Variants in EVI5 observed in about 807,000 individuals in gnomAD.
EVI5 encodes ecotropic viral integration site 5.
A neutral mutation model predicts 112.0 loss-of-function variants in EVI5; 73 were observed. That is an observed-to-expected ratio of 0.65 (90% confidence interval 0.54 to 0.79). The LOEUF (loss-of-function observed/expected upper bound fraction) is 0.79. EVI5 is among the 30% of genes least tolerant of loss of function. The probability of loss-of-function intolerance (pLI) is 0.00; values close to 1 mark genes in which losing one functional copy is unlikely to be tolerated. For synonymous variants in EVI5, 305 were observed against 319.9 expected (o/e 0.95, Z 0.50); for missense variants, 900 against 968.8 (o/e 0.93, Z 0.94).
intron 2 of EVI5, among the ~76,000 whole-genome samples, chr1:92,725,515 G>A (rs138407790): frequency 6.6e-6 from 1 of 152,136 alleles, no homozygotes; most frequent in African/African-American, 2.4e-5. Flanking sequence ...AAAATTATCA[G>A]GCTTTGAGAC....
In EVI5 at chr1:92,655,185, T is replaced by C. The variant is rs114918687; in HGVS notation, c.1392+7534A>G. Among the ~76,000 whole-genome samples, 478 of 150,404 alleles carry C rather than the reference T, an allele frequency of 3.2e-3. 4 individuals carry two copies. The highest frequency in any genetic ancestry group is 0.011 in the African/African-American group (464 of 40,944). ...CCAACACATATACTCATCAGACTAA[T>C]GACAACATGAAGGAAAAAAAAAAAT... On this transcript the variant is annotated intron_variant, in intron 13 of 19. Transcript: ENST00000684568.
At chr1:92,547,368 T>C (rs565864277) in intron 19 of EVI5, among the ~76,000 whole-genome samples, 1 of 152,250 alleles carries the variant, frequency 6.6e-6, no homozygotes. Context: ...GGGAAATTTA[T>C]GGCACTAAAT....
At chr1:92,747,045 T>C (rs1679363247) in intron 1 of EVI5, among the ~76,000 whole-genome samples, 1 of 152,294 alleles carries the variant, frequency 6.6e-6, no homozygotes, top group East Asian at 1.9e-4. Context: ...TTCCCAAAGA[T>C]GGCCTATATA....
chr1:92,536,641 A>G (rs1046906360), intron 19 of EVI5, among the ~76,000 whole-genome samples: 2 of 152,334 alleles, frequency 1.3e-5, no homozygotes, highest in South Asian at 2.1e-4. Context: ...AGTAGATATT[A>G]AGACAGAAAT....
At chr1:92,738,931 C>CA in intron 1 of EVI5, among the ~76,000 whole-genome samples, 1 of 152,102 alleles carries the variant, frequency 6.6e-6, no homozygotes, top group Middle Eastern at 3.4e-3. Flanking sequence ...AAATATGTCA[C>CA]AAAGTTCCTG....
At chr1:92,613,075 GC>G in intron 16 of EVI5, among the ~76,000 whole-genome samples, 2 of 152,286 alleles carry the variant, frequency 1.3e-5, no homozygotes, top group Middle Eastern at 6.8e-3. Flanking sequence ...GCTAAACCTT[GC>G]CTGTCTCCTC....
At chr1:92,698,073 C>T (rs1670590179) in intron 5 of EVI5, 88 bp from the exon 6 acceptor site, 27 of 1,263,156 alleles carry the variant, frequency 2.1e-5, no homozygotes, top group Non-Finnish European at 3.0e-5. Flanking sequence ...ACACAGCCAA[C>T]CACAAACATT....
chr1:92,731,729 A>C (rs1473850554), intron 2 of EVI5, among the ~76,000 whole-genome samples: 1 of 152,262 alleles, frequency 6.6e-6, no homozygotes, highest in Admixed American at 6.5e-5. Context: ...TAGAGCCCAG[A>C]AATAGACTCA....
chr1:92,590,099 C>T (rs1448345024), intron 18 of EVI5, among the ~76,000 whole-genome samples: 1 of 152,176 alleles, frequency 6.6e-6, no homozygotes, highest in Non-Finnish European at 1.5e-5. Flanking sequence ...GACATCCACA[C>T]CAAAACCCCA....
chr1:92,605,714 G>A (rs1650233466), intron 17 of EVI5, among the ~76,000 whole-genome samples: 1 of 152,116 alleles, frequency 6.6e-6, no homozygotes, highest in Admixed American at 6.6e-5. Context: ...TGAAACTGGG[G>A]TTCACAGGCT....
At chr1:92,779,515 C>T (rs1684590770) in intron 1 of EVI5, among the ~76,000 whole-genome samples, 1 of 146,442 alleles carries the variant, frequency 6.8e-6, no homozygotes, top group South Asian at 2.1e-4. Context: ...GAGACTCCGT[C>T]TCAAAAAAAA....
intron 13 of EVI5, among the ~76,000 whole-genome samples, chr1:92,641,027 C>T (rs569581384): frequency 1.8e-4 from 27 of 152,200 alleles, no homozygotes; most frequent in African/African-American, 5.5e-4. Flanking sequence ...AATGAGAACA[C>T]ATGGACACAG....
At chr1:92,657,824 T>A (rs1663269586) in intron 13 of EVI5, among the ~76,000 whole-genome samples, 1 of 152,180 alleles carries the variant, frequency 6.6e-6, no homozygotes, top group Non-Finnish European at 1.5e-5. Flanking sequence ...AGGCTTTTAC[T>A]CATTGAGGAA....
At chr1:92,537,708 A>G (rs1664118711) in intron 19 of EVI5, among the ~76,000 whole-genome samples, 1 of 152,064 alleles carries the variant, frequency 6.6e-6, no homozygotes. Flanking sequence ...AATCAGTAAA[A>G]GTGATCGACT....
At chr1:92,773,045 T>C (rs1258731873) in intron 1 of EVI5, among the ~76,000 whole-genome samples, 1 of 148,260 alleles carries the variant, frequency 6.7e-6, no homozygotes, top group East Asian at 2.1e-4. Flanking sequence ...CCATCTCTAC[T>C]AAAAATGCAA....
At chr1:92,784,801 T>G (rs2103129505) in intron 1 of EVI5, 35 bp downstream of exon 1, 1 of 984,540 alleles carries the variant, frequency 1.0e-6, no homozygotes, top group Non-Finnish European at 1.2e-6. Flanking sequence ...CCGCCCGGCC[T>G]CCCGGCCCGC....
intron 2 of EVI5, among the ~76,000 whole-genome samples, chr1:92,711,423 T>A (rs911015088): frequency 6.6e-6 from 1 of 152,224 alleles, no homozygotes; most frequent in Non-Finnish European, 1.5e-5. Flanking sequence ...GTTGGTAATT[T>A]ATAAACTGCT....
At chr1:92,698,125 A>G in intron 5 of EVI5, 140 bp from the exon 6 acceptor site, 2 of 707,200 alleles carry the variant, frequency 2.8e-6, no homozygotes, top group Non-Finnish European at 4.7e-6. Flanking sequence ...GCAATGAGGT[A>G]AGAATCAGAA....
intron 15 of EVI5, among the ~76,000 whole-genome samples, chr1:92,624,955 T>C (rs1289353095): frequency 6.6e-6 from 1 of 152,212 alleles, no homozygotes; most frequent in East Asian, 1.9e-4. Context: ...TTTAGGAGGA[T>C]CACACACAGC....
Sources: allele counts gnomAD v4.1 joint callset (sites outside exome capture counted in the v4.1 genomes callset), GRCh38; gene constraint gnomAD v4.1.1; transcripts MANE v1.5; gene names NCBI Gene and HGNC (gene_info 2026-07-23, HGNC 2026-07-21).